ITPR2: variants seen among roughly 807,000 people sequenced by gnomAD.
ITPR2 encodes the protein inositol 1,4,5-trisphosphate receptor type 2.
In ITPR2, 207 loss-of-function variants were observed where a neutral mutation model predicts 317.1. The ratio of observed to expected loss-of-function variants is 0.65; its 90% CI spans 0.58 to 0.73. The LOEUF is 0.73. ITPR2 is among the 30% of genes least tolerant of loss of function. ITPR2 has a pLI of 0.00. For synonymous variants in ITPR2, 1,156 were observed against 1,149.1 expected, an observed-to-expected ratio of 1.01 and a Z score of -0.12; for missense variants, 2,613 against 3,284.0, an observed-to-expected ratio of 0.80 and a Z score of 4.99.
At chr12:26,444,988 CTTG>C (rs1251000328) in intron 45 of ITPR2, among the ~76,000 whole-genome samples, 2 of 151,994 alleles carry the variant, frequency 1.3e-5, no homozygotes, top group African/African-American at 4.8e-5. Flanking sequence ...AGTCATGAAA[CTTG>C]TTGTGACTTA....
intron 48 of ITPR2, among the ~76,000 whole-genome samples, chr12:26,433,948 T>C (rs772104239): frequency 7.9e-5 from 12 of 152,136 alleles, no homozygotes; most frequent in South Asian, 2.1e-4. Context: ...TTTTCTTTTA[T>C]AAAAGATAAA....
chr12:26,597,405 T>C (rs987549216), intron 30 of ITPR2, among the ~76,000 whole-genome samples: 7 of 152,324 alleles, frequency 4.6e-5, no homozygotes, highest in Admixed American at 1.3e-4. Context: ...AAATTGTTCA[T>C]CACACTGAAA....
At chr12:26,453,421 G>T in intron 45 of ITPR2, among the ~76,000 whole-genome samples, 1 of 152,234 alleles carries the variant, frequency 6.6e-6, no homozygotes, top group Middle Eastern at 3.4e-3. Flanking sequence ...AACATTTCAG[G>T]GTGAGGAAGC....
intron 13 of ITPR2, among the ~76,000 whole-genome samples, chr12:26,681,571 T>G (rs1177922945): frequency 6.6e-6 from 1 of 152,154 alleles, no homozygotes; most frequent in Non-Finnish European, 1.5e-5. Context: ...TATCAAATCA[T>G]GCGCAGCAAA....
intron 37 of ITPR2, among the ~76,000 whole-genome samples, chr12:26,528,921 T>C (rs1263664140): frequency 1.3e-5 from 2 of 152,210 alleles, no homozygotes; most frequent in Non-Finnish European, 2.9e-5. Flanking sequence ...CCGCAATCCT[T>C]ACAGACATTT....
chr12:26,438,156 T>C (rs919328125), intron 47 of ITPR2, among the ~76,000 whole-genome samples: 1 of 152,218 alleles, frequency 6.6e-6, no homozygotes, highest in Non-Finnish European at 1.5e-5. Flanking sequence ...ATATGTATTT[T>C]AGACACCCAA....
At chr12:26,796,205 C>T (rs1950440424) in intron 1 of ITPR2, among the ~76,000 whole-genome samples, 1 of 152,110 alleles carries the variant, frequency 6.6e-6, no homozygotes, top group South Asian at 2.1e-4. Context: ...ACACAAGTTA[C>T]AAACTAGAAT....
chr12:26,811,787 G>A (rs1950755031), intron 1 of ITPR2, among the ~76,000 whole-genome samples: 1 of 150,466 alleles, frequency 6.6e-6, no homozygotes, highest in East Asian at 1.9e-4. Flanking sequence ...CCCGGAGGCG[G>A]AGCTTGCAGT....
chr12:26,778,888 G>A (rs1950026458), intron 2 of ITPR2, among the ~76,000 whole-genome samples: 1 of 152,174 alleles, frequency 6.6e-6, no homozygotes. Context: ...CTTCTAATGT[G>A]AAGGGTAAAT....
intron 26 of ITPR2, among the ~76,000 whole-genome samples, chr12:26,610,111 C>T (rs1482153845): frequency 6.6e-6 from 1 of 152,218 alleles, no homozygotes; most frequent in African/African-American, 2.4e-5. Flanking sequence ...CATGAAATTA[C>T]CACTGTGTCT....
intron 25 of ITPR2, 63 bp from the exon 26 acceptor site, chr12:26,621,359 T>C (rs1946489627): frequency 6.2e-6 from 8 of 1,291,268 alleles, no homozygotes; most frequent in Non-Finnish European, 8.7e-6. Context: ...TATGAATATT[T>C]TAGATGTATA....
chr12:26,811,036 C>CAAAAAAAAAAAAAAAAAAAA (rs79796097), intron 1 of ITPR2, among the ~76,000 whole-genome samples: 2 of 108,314 alleles, frequency 1.8e-5, no homozygotes, highest in African/African-American at 7.7e-5. Flanking sequence ...TTTTAAGTTA[C>CAAAAAAAAAAAAAAAAAAAA]AAAAAAAAAA....
At chr12:26,708,127 G>A (rs909688934) in intron 9 of ITPR2, among the ~76,000 whole-genome samples, 3 of 152,148 alleles carry the variant, frequency 2.0e-5, no homozygotes, top group Admixed American at 6.5e-5. Flanking sequence ...TGGAGAAAGG[G>A]GAACCCTCAC....
intron 26 of ITPR2, among the ~76,000 whole-genome samples, chr12:26,616,542 G>A (rs1311181638): frequency 6.6e-6 from 1 of 152,180 alleles, no homozygotes; most frequent in Non-Finnish European, 1.5e-5. Flanking sequence ...AATATCATTT[G>A]TCAAAACTCA....
chr12:26,566,549 G>C (rs1201922395), intron 34 of ITPR2, among the ~76,000 whole-genome samples: 2 of 147,072 alleles, frequency 1.4e-5, no homozygotes, highest in Non-Finnish European at 3.0e-5. Context: ...AGAGGAGAAG[G>C]ATAAGGAGGA....
intron 34 of ITPR2, among the ~76,000 whole-genome samples, chr12:26,578,168 T>C (rs936602270): frequency 6.6e-6 from 1 of 150,580 alleles, no homozygotes; most frequent in African/African-American, 2.5e-5. Flanking sequence ...AATTAACTTA[T>C]TAACTTTCTC....
At chr12:26,744,350 C>T (rs1949284868) in intron 2 of ITPR2, among the ~76,000 whole-genome samples, 1 of 152,262 alleles carries the variant, frequency 6.6e-6, no homozygotes, top group Non-Finnish European at 1.5e-5. Flanking sequence ...ACTTCCACTT[C>T]AGGGACTTTG....
Position 26,336,544 on chromosome 12 carries a change from A to G in ITPR2, c.*2853T>C, listed in dbSNP as rs1451757185. 6.6e-6 allele frequency: 1 copy of G among 152,208 alleles called. No homozygotes were observed. The highest frequency in any genetic ancestry group is 1.5e-5 in the Non-Finnish European group (1 of 68,038). The allele number at this position is 152,208 out of a possible 1,614,324, so 9.4% of individuals were successfully genotyped here. ...GCATACATACAATTTATTTATTTAT[A>G]TTATAGCCCTGTATGATACAAGCAT... On this transcript the variant is annotated 3_prime_UTR_variant, in exon 57 of 57. Transcript: ENST00000381340.
At chr12:26,770,093 T>C (rs1232210192) in intron 2 of ITPR2, among the ~76,000 whole-genome samples, 1 of 152,210 alleles carries the variant, frequency 6.6e-6, no homozygotes, top group Non-Finnish European at 1.5e-5. Context: ...ATGTACTCTG[T>C]TGTACTGTTA....
Sources: gnomAD v4.1 joint callset for allele counts (sites outside exome capture counted in the v4.1 genomes callset) on GRCh38, gnomAD v4.1.1 for gene constraint, MANE v1.5 for transcripts, NCBI Gene and HGNC (gene_info 2026-07-23, HGNC 2026-07-21) for gene names.